Variants in NREP observed in about 807,000 individuals in gnomAD.
NREP encodes neuronal regeneration-related protein.
Under a neutral mutation model 8.6 loss-of-function variants are expected in NREP, and 5 were observed. The observed-to-expected ratio is 0.58, with a 90% CI of 0.30 to 1.22. The LOEUF is 1.22. Among genes scored for constraint, NREP ranks in the 50% most tolerant of loss-of-function variants. The pLI is 0.07. For synonymous variants in NREP, 27 were observed against 28.0 expected (o/e 0.96, Z 0.11); for missense variants, 86 against 82.5 (o/e 1.04, Z -0.17).
intron 2 of NREP, among the ~76,000 whole-genome samples, chr5:111,915,192 A>C (rs1031615069): frequency 2.8e-4 from 42 of 152,188 alleles, no homozygotes; most frequent in African/African-American, 9.6e-4. Context: ...GCATTCCCCC[A>C]GGGTGGTTTT....
At chr5:111,890,115 C>T (rs955834388) in intron 2 of NREP, among the ~76,000 whole-genome samples, 2 of 152,166 alleles carry the variant, frequency 1.3e-5, no homozygotes, top group Non-Finnish European at 2.9e-5. Context: ...CAGGTACAAT[C>T]ATTGGTAAGC....
At chr5:111,948,446 A>T (rs1052177225) in intron 2 of NREP, among the ~76,000 whole-genome samples, 1 of 152,132 alleles carries the variant, frequency 6.6e-6, no homozygotes, top group African/African-American at 2.4e-5. Context: ...ATATAAGAGA[A>T]ACACTTTGGC....
chr5:111,834,399 T>C (rs1204923738), intron 2 of NREP, among the ~76,000 whole-genome samples: 2 of 152,206 alleles, frequency 1.3e-5, no homozygotes, highest in African/African-American at 4.8e-5. Flanking sequence ...CATTTTGTAG[T>C]TGAAGCACCA....
At chr5:111,764,110 G>A (rs569804362) in intron 2 of NREP, among the ~76,000 whole-genome samples, 88 of 152,270 alleles carry the variant, frequency 5.8e-4, no homozygotes, top group Admixed American at 1.1e-3. Context: ...TGACAGCTAG[G>A]CAAAATACTA....
intron 2 of NREP, among the ~76,000 whole-genome samples, chr5:111,892,167 A>G (rs1278031756): frequency 6.6e-6 from 1 of 152,200 alleles, no homozygotes; most frequent in Non-Finnish European, 1.5e-5. Flanking sequence ...AAGACTACCT[A>G]CATCTTTTAA....
intron 2 of NREP, chr5:111,974,267 A>G (rs1756901307): frequency 6.6e-6 from 1 of 152,246 alleles, no homozygotes; most frequent in Non-Finnish European, 1.5e-5. Flanking sequence ...CAAGAATGCA[A>G]GGAAAATATC....
intron 2 of NREP, among the ~76,000 whole-genome samples, chr5:111,826,046 C>A (rs918600936): frequency 6.6e-6 from 1 of 151,866 alleles, no homozygotes; most frequent in East Asian, 1.9e-4. Flanking sequence ...CTCCGCCTAC[C>A]GTGTTCAAGC....
At chr5:111,885,744 G>A (rs906545460) in intron 2 of NREP, among the ~76,000 whole-genome samples, 3 of 152,138 alleles carry the variant, frequency 2.0e-5, no homozygotes, top group Non-Finnish European at 4.4e-5. Context: ...TTTAATAAAT[G>A]GTGCTGGGAA....
At chr5:111,817,514 A>G (rs1752410309) in intron 2 of NREP, among the ~76,000 whole-genome samples, 1 of 152,118 alleles carries the variant, frequency 6.6e-6, no homozygotes, top group Non-Finnish European at 1.5e-5. Flanking sequence ...TCCTTTTAAA[A>G]TATATTAGAG....
At chr5:111,815,805 C>T (rs966557965) in intron 2 of NREP, among the ~76,000 whole-genome samples, 1 of 152,024 alleles carries the variant, frequency 6.6e-6, no homozygotes, top group Non-Finnish European at 1.5e-5. Context: ...CAAATCAAGC[C>T]ACAGGTCCAA....
intron 2 of NREP, among the ~76,000 whole-genome samples, chr5:111,895,122 A>G (rs1012796645): frequency 1.3e-5 from 2 of 152,224 alleles, no homozygotes; most frequent in Non-Finnish European, 2.9e-5. Context: ...GAGGCTAAAA[A>G]ACAAATCAAT....
Position 111,821,145 on chromosome 5 carries a change from C to T in NREP, c.136-85638G>A, listed in dbSNP as rs1396603065. Among the ~76,000 whole-genome samples, 4 of 152,192 alleles carry T rather than the reference C, an allele frequency of 2.6e-5. No homozygotes were observed. The East Asian group carries it at 7.7e-4, about 29-fold the overall frequency. ...GACCCAGGGCCACTGCTCTGCAATACTTCAGAAGATACCATGCACACAGCA... is the reference window on the plus strand; with the variant it reads ...GACCCAGGGCCACTGCTCTGCAATATTTCAGAAGATACCATGCACACAGCA... On this transcript the variant is annotated intron_variant, in intron 2 of 3. Transcript: ENST00000395634.
At chr5:111,835,069 C>T (rs764731635) in intron 2 of NREP, among the ~76,000 whole-genome samples, 1 of 152,124 alleles carries the variant, frequency 6.6e-6, no homozygotes, top group Non-Finnish European at 1.5e-5. Flanking sequence ...TTATTTGCTG[C>T]TCTCACCACA....
At chr5:111,738,128 T>C (rs2112802753) in intron 2 of NREP, among the ~76,000 whole-genome samples, 1 of 152,346 alleles carries the variant, frequency 6.6e-6, no homozygotes, top group African/African-American at 2.4e-5. Flanking sequence ...TTTTCATTTT[T>C]TTAAGCACAG....
At chr5:111,803,997 T>A (rs966753388) in intron 2 of NREP, among the ~76,000 whole-genome samples, 1 of 152,144 alleles carries the variant, frequency 6.6e-6, no homozygotes, top group Admixed American at 6.5e-5. Context: ...CAACTAGTAG[T>A]CCCTTTTTTC....
At chr5:111,872,175 A>T (rs1184614120) in intron 2 of NREP, among the ~76,000 whole-genome samples, 2 of 152,058 alleles carry the variant, frequency 1.3e-5, no homozygotes, top group Non-Finnish European at 2.9e-5. Flanking sequence ...CAACCTGGAG[A>T]CCCAGAGAGT....
At chr5:111,797,144 T>C (rs1185129907) in intron 2 of NREP, among the ~76,000 whole-genome samples, 1 of 152,118 alleles carries the variant, frequency 6.6e-6, no homozygotes, top group East Asian at 1.9e-4. Context: ...CAAATACACA[T>C]AGACTGTGGG....
chr5:111,775,899 GAT>G (rs1751345359), intron 2 of NREP, among the ~76,000 whole-genome samples: 1 of 152,040 alleles, frequency 6.6e-6, no homozygotes, highest in Admixed American at 6.6e-5. Flanking sequence ...GATATTAAAA[GAT>G]AGATCACAAT....
At chr5:111,817,183 TA>T (rs1191108249) in intron 2 of NREP, among the ~76,000 whole-genome samples, 21 of 152,232 alleles carry the variant, frequency 1.4e-4, no homozygotes, top group African/African-American at 5.1e-4. Flanking sequence ...GTACATTTTT[TA>T]TTGTTTTCTA....
Sources: allele counts gnomAD v4.1 joint callset (sites outside exome capture counted in the v4.1 genomes callset), GRCh38; gene constraint gnomAD v4.1.1; transcripts MANE v1.5; gene names NCBI Gene and HGNC (gene_info 2026-07-23, HGNC 2026-07-21).